Variants in NXPE2 observed in about 807,000 individuals in gnomAD.
The protein encoded by NXPE2 is neurexophilin and PC-esterase domain family member 2, also known as NXPE family member 2.
Under a neutral mutation model 34.4 loss-of-function variants are expected in NXPE2, and 34 were observed. The observed-to-expected ratio is 0.99, with a 90% CI of 0.75 to 1.31. The LOEUF is 1.31. Ranked by LOEUF, NXPE2 falls within the 40% of genes most tolerant of loss-of-function variation. The pLI is 0.00. For synonymous variants in NXPE2, 235 were observed against 231.3 expected, an observed-to-expected ratio of 1.02 and a Z score of -0.15; for missense variants, 649 against 672.5, an observed-to-expected ratio of 0.97 and a Z score of 0.39.
Position 114,705,867 on chromosome 11 carries a change from G to A in NXPE2, c.1015G>A (p.Ala339Thr), listed in dbSNP as rs755611460. The A allele has an allele frequency of 3.9e-6, 6 of 1,543,616 alleles. 1 individual carries two copies. The South Asian group carries it at 7.3e-5, about 19-fold the overall frequency. Residue 339 changes from alanine (A) to threonine (T), a missense_variant, in exon 5 of 6, where the codon GCA (alanine) becomes ACA (threonine). By Grantham distance (58) the Ala-to-Thr change is moderately conservative (BLOSUM62 0). Transcript: ENST00000389586. ...TACTTTGAAAAAAATGTGGATTACA[G>A]CATTTTGTAAACAGATCAAGTTCAA... ...GYTLKKMWITAFCKQIKFNET... is the reference protein window; with the variant it reads ...GYTLKKMWITTFCKQIKFNET...
chr11:114,475,226 G>GCTTTTTTTT, the NXPE2 span, among the ~76,000 whole-genome samples: 1 of 88,060 alleles, frequency 1.1e-5, no homozygotes, highest in East Asian at 3.4e-4. Context: ...AATGTGAACT[G>GCTTTTTTTT]TTTTTTTTTT....
At chr11:114,639,240 C>T in the NXPE2 span, among the ~76,000 whole-genome samples, 20 of 151,180 alleles carry the variant, frequency 1.3e-4, no homozygotes, top group South Asian at 6.3e-4. Flanking sequence ...GAGCAATCAG[C>T]GAGACTCTGT....
At chr11:114,548,797 A>T in the NXPE2 span, among the ~76,000 whole-genome samples, 12 of 151,906 alleles carry the variant, frequency 7.9e-5, no homozygotes, top group Non-Finnish European at 1.6e-4. Flanking sequence ...AGGAATTGAT[A>T]GGAAGGTAAA....
At chr11:114,640,878 C>G in the NXPE2 span, among the ~76,000 whole-genome samples, 1 of 151,922 alleles carries the variant, frequency 6.6e-6, no homozygotes, top group African/African-American at 2.4e-5. Context: ...GTGTAGGTTA[C>G]AAATATTTTC....
intron 3 of NXPE2, 97 bp from the exon 4 acceptor site, chr11:114,703,894 G>A: frequency 1.2e-6 from 1 of 838,124 alleles, no homozygotes; most frequent in South Asian, 1.6e-5. Flanking sequence ...GGGGGGAAAG[G>A]CATTTGGAGA....
chr11:114,663,343 A>T, the NXPE2 span, among the ~76,000 whole-genome samples: 1 of 152,094 alleles, frequency 6.6e-6, no homozygotes, highest in Non-Finnish European at 1.5e-5. Flanking sequence ...TAGCCTGCCA[A>T]TGTCTGGATT....
At chr11:114,686,488 T>G (rs1452698962) in intron 2 of NXPE2, among the ~76,000 whole-genome samples, 2 of 152,164 alleles carry the variant, frequency 1.3e-5, no homozygotes, top group African/African-American at 4.8e-5. Context: ...ATGGTGTATA[T>G]GTACCATATT....
the NXPE2 span, among the ~76,000 whole-genome samples, chr11:114,790,111 G>A: frequency 1.3e-5 from 2 of 151,950 alleles, no homozygotes; most frequent in Non-Finnish European, 2.9e-5. Flanking sequence ...CTTGCCCCTC[G>A]CTGTCTCTGA....
At chr11:114,623,542 G>A in the NXPE2 span, among the ~76,000 whole-genome samples, 1 of 151,956 alleles carries the variant, frequency 6.6e-6, no homozygotes, top group Non-Finnish European at 1.5e-5. Context: ...ACTGTTACCT[G>A]GCAGATAATA....
the NXPE2 span, among the ~76,000 whole-genome samples, chr11:114,724,317 A>C: frequency 6.6e-6 from 1 of 152,102 alleles, no homozygotes; most frequent in Non-Finnish European, 1.5e-5. Flanking sequence ...CCCTGAGTGG[A>C]CTGCAGAATG....
chr11:114,801,069 G>C, the NXPE2 span, among the ~76,000 whole-genome samples: 5 of 6,030 alleles, frequency 8.3e-4, no homozygotes, highest in Non-Finnish European at 9.3e-4. Context: ...AACAAACACT[G>C]AGCACTTCTC....
At chr11:114,637,329 C>T in the NXPE2 span, among the ~76,000 whole-genome samples, 2,044 of 151,840 alleles carry the variant, frequency 0.013, 23 homozygotes, top group African/African-American at 0.047. Flanking sequence ...GATCTTCCTC[C>T]ATCCTTTTAT....
the NXPE2 span, among the ~76,000 whole-genome samples, chr11:114,641,988 G>A: frequency 6.6e-6 from 1 of 151,984 alleles, no homozygotes; most frequent in African/African-American, 2.4e-5. Flanking sequence ...CAATTGATGA[G>A]AAGATAAATT....
the NXPE2 span, among the ~76,000 whole-genome samples, chr11:114,606,463 C>T: frequency 1.4e-5 from 2 of 147,394 alleles, no homozygotes; most frequent in South Asian, 4.3e-4. Flanking sequence ...TAATGTGTTG[C>T]CTCTAGGGTA....
At chr11:114,721,155 G>C in the NXPE2 span, among the ~76,000 whole-genome samples, 5 of 152,098 alleles carry the variant, frequency 3.3e-5, no homozygotes, top group African/African-American at 1.2e-4. Context: ...GGGGGTTGCG[G>C]GTTGTGAGTG....
the NXPE2 span, among the ~76,000 whole-genome samples, chr11:114,724,915 T>C: frequency 7.9e-6 from 1 of 127,166 alleles, no homozygotes; most frequent in African/African-American, 3.0e-5. Context: ...TTTTTAATGA[T>C]AACAAACCTA....
upstream of NXPE2, among the ~76,000 whole-genome samples, chr11:114,676,632 A>G (rs899962204): frequency 1.3e-5 from 2 of 152,028 alleles, no homozygotes; most frequent in African/African-American, 4.8e-5. Context: ...AGAGGGAGAA[A>G]GGGAATACTT....
At chr11:114,490,146 C>G in the NXPE2 span, among the ~76,000 whole-genome samples, 1 of 152,170 alleles carries the variant, frequency 6.6e-6, no homozygotes, top group Non-Finnish European at 1.5e-5. Flanking sequence ...ATCCAACTTA[C>G]AAGGGACGTG....
the NXPE2 span, among the ~76,000 whole-genome samples, chr11:114,778,830 T>C: frequency 6.6e-6 from 1 of 152,228 alleles, no homozygotes; most frequent in Non-Finnish European, 1.5e-5. Flanking sequence ...TCCTGAACTA[T>C]AACCATCTCA....
Sources: gnomAD v4.1 joint callset for allele counts (sites outside exome capture counted in the v4.1 genomes callset) on GRCh38, gnomAD v4.1.1 for gene constraint, MANE v1.5 for transcripts, NCBI Gene and HGNC (gene_info 2026-07-23, HGNC 2026-07-21) for gene names.